The following ANKS1B variants were observed in gnomAD, a reference collection of about 807,000 sequenced individuals.
The protein encoded by ANKS1B is ankyrin repeat and sterile alpha motif domain-containing protein 1B.
Under a neutral mutation model 148.3 loss-of-function variants are expected in ANKS1B, and 36 were observed. The observed-to-expected ratio is 0.24, with a 90% CI of 0.19 to 0.32. The LOEUF is 0.32. ANKS1B is among the 10% of genes least tolerant of loss of function. The pLI, the probability that ANKS1B is intolerant of heterozygous loss-of-function variation, is 1.00. For missense variants in ANKS1B, 1,157 were observed against 1,542.6 expected (o/e 0.75, Z 4.19); for synonymous variants, 542 against 560.8 (o/e 0.97, Z 0.47).
intron 10 of ANKS1B, among the ~76,000 whole-genome samples, chr12:99,479,321 T>G (rs2096373808): frequency 6.6e-6 from 1 of 152,112 alleles, no homozygotes; most frequent in Non-Finnish European, 1.5e-5. Context: ...TTTAAAATTA[T>G]GTCTGCCCAA....
downstream of ANKS1B, among the ~76,000 whole-genome samples, chr12:98,742,823 G>A (rs1251013660): frequency 1.3e-5 from 2 of 152,188 alleles, no homozygotes; most frequent in African/African-American, 2.4e-5. Flanking sequence ...GTAAATGTGG[G>A]GCTGGCTGGC....
At chr12:99,024,920 A>T (rs955711252) in intron 17 of ANKS1B, among the ~76,000 whole-genome samples, 1 of 152,136 alleles carries the variant, frequency 6.6e-6, no homozygotes, top group Non-Finnish European at 1.5e-5. Context: ...AAACTAACCA[A>T]TTCTAAGAAG....
chr12:99,594,570 C>T (rs2153268393), intron 9 of ANKS1B, among the ~76,000 whole-genome samples: 1 of 152,078 alleles, frequency 6.6e-6, no homozygotes, highest in African/African-American at 2.4e-5. Flanking sequence ...CAATATGTGA[C>T]ATGGATGAAT....
chr12:99,081,091 A>G (rs1364380921), intron 16 of ANKS1B, among the ~76,000 whole-genome samples: 3 of 152,230 alleles, frequency 2.0e-5, no homozygotes, highest in Non-Finnish European at 4.4e-5. Flanking sequence ...AGTTGAGAAG[A>G]TGTAAATCTT....
At chr12:99,165,058 C>T (rs1189437192) in intron 14 of ANKS1B, among the ~76,000 whole-genome samples, 1 of 151,854 alleles carries the variant, frequency 6.6e-6, no homozygotes, top group African/African-American at 2.4e-5. Flanking sequence ...GAGTGAATCA[C>T]AATTTGTGAG....
intron 8 of ANKS1B, among the ~76,000 whole-genome samples, chr12:99,697,216 C>T (rs1003664219): frequency 6.6e-6 from 1 of 152,140 alleles, no homozygotes; most frequent in African/African-American, 2.4e-5. Flanking sequence ...GTCTAGTCAT[C>T]ACACTGGATT....
chr12:99,695,552 CCTCA>C (rs2053760390), intron 8 of ANKS1B, among the ~76,000 whole-genome samples: 1 of 152,132 alleles, frequency 6.6e-6, no homozygotes, highest in Non-Finnish European at 1.5e-5. Context: ...CATGGTGGTG[CCTCA>C]CTAATGAAAG....
chr12:99,705,047 A>T (rs2055509308), intron 8 of ANKS1B, among the ~76,000 whole-genome samples: 2 of 152,106 alleles, frequency 1.3e-5, no homozygotes, highest in Non-Finnish European at 2.9e-5. Flanking sequence ...AAAACTAAAA[A>T]TCAACCTGGT....
At chr12:99,965,912 C>T (rs1037775600) in intron 1 of ANKS1B, among the ~76,000 whole-genome samples, 2 of 151,962 alleles carry the variant, frequency 1.3e-5, no homozygotes, top group Non-Finnish European at 2.9e-5. Flanking sequence ...ACTGCATCTC[C>T]GAAAACAACC....
chr12:98,758,738 TC>T (rs1418594939), intron 25 of ANKS1B, among the ~76,000 whole-genome samples: 5 of 151,502 alleles, frequency 3.3e-5, no homozygotes, highest in Non-Finnish European at 7.4e-5. Context: ...CTTCTCTTCT[TC>T]CCCAGGGATT....
rs146113716 is a variant in ANKS1B at position 98,923,663 on chromosome 12, A to T, written c.2779-91527T>A. 4.1e-3 allele frequency among the ~76,000 whole-genome samples: 620 copies of T among 152,322 alleles called. 4 individuals are homozygous for T. The highest frequency in any genetic ancestry group is 0.014 in the Middle Eastern group (4 of 294). ...TAACTGATAAACCAGCTAGTTGCTA[A>T]TCACTTCATTGCTGCTTCCCACCAC... On this transcript the variant is annotated intron_variant, in intron 17 of 26. Transcript: ENST00000683438.
intron 15 of ANKS1B, among the ~76,000 whole-genome samples, chr12:99,087,221 C>T (rs1228354920): frequency 1.3e-5 from 2 of 152,174 alleles, no homozygotes; most frequent in Non-Finnish European, 2.9e-5. Context: ...AGAATAGATG[C>T]ATGTAAACAA....
At chr12:99,278,846 C>T (rs2078027055) in intron 12 of ANKS1B, among the ~76,000 whole-genome samples, 1 of 152,136 alleles carries the variant, frequency 6.6e-6, no homozygotes, top group African/African-American at 2.4e-5. Flanking sequence ...TGGCTGTGGA[C>T]AATGTAATTG....
intron 1 of ANKS1B, among the ~76,000 whole-genome samples, chr12:99,894,711 G>C (rs11832588): frequency 6.7e-6 from 1 of 149,322 alleles, no homozygotes; most frequent in African/African-American, 2.4e-5. Context: ...CTTTGTGTTA[G>C]ATTATTTCAC....
chr12:99,593,861 T>C (rs961987299), intron 9 of ANKS1B, among the ~76,000 whole-genome samples: 1 of 152,090 alleles, frequency 6.6e-6, no homozygotes, highest in African/African-American at 2.4e-5. Flanking sequence ...CATTCTTATT[T>C]ATAATAAATA....
At chr12:99,645,556 A>T (rs986630335) in intron 9 of ANKS1B, among the ~76,000 whole-genome samples, 2 of 152,216 alleles carry the variant, frequency 1.3e-5, no homozygotes, top group African/African-American at 4.8e-5. Context: ...CCAATGACAT[A>T]AACTCCAACA....
At chr12:99,650,755 G>T (rs1344056005) in intron 9 of ANKS1B, among the ~76,000 whole-genome samples, 1 of 152,076 alleles carries the variant, frequency 6.6e-6, no homozygotes, top group Non-Finnish European at 1.5e-5. Flanking sequence ...AAAATAAAAT[G>T]TAATATAGGA....
intron 9 of ANKS1B, among the ~76,000 whole-genome samples, chr12:99,632,440 T>A (rs189242828): frequency 6.6e-6 from 1 of 151,800 alleles, no homozygotes. Flanking sequence ...CAGTACCTAG[T>A]GGAGCCATAG....
rs71305587 is a variant in ANKS1B, at chr12:98,745,375, CTTTTTTTTT to C, written c.*355_*363del. 159 of 913,704 alleles carry C rather than the reference CTTTTTTTTT, an allele frequency of 1.7e-4. No individual in the cohort carries two copies. The highest frequency in any genetic ancestry group is 5.8e-4 in the Middle Eastern group (1 of 1,716). 56.6% of individuals were successfully genotyped at this position (913,704 alleles called of 1,614,324 possible). A position where few individuals can be genotyped will look rare whatever the true frequency, so the allele number is the denominator to read the frequency against. ...TAGGCAGTATTAGAGATCCCCTTTA[CTTTTTTTTT>C]TTTTTTTTTTTTTTTAAAGAAAAGG... On this transcript the variant is annotated 3_prime_UTR_variant, in exon 27 of 27. Coordinates refer to ENST00000683438, the MANE Select transcript of ANKS1B (RefSeq NM_001352186.2).
Sources: allele counts gnomAD v4.1 joint callset (sites outside exome capture counted in the v4.1 genomes callset), GRCh38; gene constraint gnomAD v4.1.1; transcripts MANE v1.5; gene names NCBI Gene and HGNC (gene_info 2026-07-23, HGNC 2026-07-21).